Variants in HECTD2 observed in about 807,000 individuals in gnomAD.
HECTD2 encodes the protein HECT domain E3 ubiquitin protein ligase 2.
A neutral mutation model predicts 103.2 loss-of-function variants in HECTD2; 35 were observed. The ratio of observed to expected loss-of-function variants is 0.34; its 90% CI spans 0.26 to 0.45. The LOEUF is 0.45. HECTD2 is among the 20% of genes least tolerant of loss of function. The pLI is 1.00. For missense variants in HECTD2, 596 were observed against 937.4 expected (o/e 0.64, Z 4.76); for synonymous variants, 281 against 329.9 (o/e 0.85, Z 1.61).
At chr10:91,425,547 G>A in intron 2 of HECTD2, 137 bp downstream of exon 2, 1 of 537,760 alleles carries the variant, frequency 1.9e-6, no homozygotes, top group Non-Finnish European at 2.9e-6. Flanking sequence ...TTTACCAGAA[G>A]CAGCAAAATC....
intron 2 of HECTD2, among the ~76,000 whole-genome samples, chr10:91,459,002 C>T (rs1478173039): frequency 6.6e-6 from 1 of 151,866 alleles, no homozygotes; most frequent in African/African-American, 2.4e-5. Flanking sequence ...ATTATCTAAA[C>T]TATATAAGGA....
intron 6 of HECTD2, among the ~76,000 whole-genome samples, chr10:91,480,253 A>G (rs1255911369): frequency 6.6e-6 from 1 of 152,180 alleles, no homozygotes; most frequent in Non-Finnish European, 1.5e-5. Context: ...TTATGCAGGC[A>G]TAAATGACCT....
intron 4 of HECTD2, among the ~76,000 whole-genome samples, chr10:91,461,856 T>C (rs1169425091): frequency 6.6e-6 from 1 of 152,128 alleles, no homozygotes; most frequent in Non-Finnish European, 1.5e-5. Context: ...AGCCCTTAAA[T>C]GTTGTTTTTA....
chr10:91,488,504 ACAT>A lies in HECTD2; in HGVS notation c.1191+728_1191+730del, dbSNP rs1255772525. ...TTGTTTAAGTGCTTATGTATTTCAAACATCTGCTTGTGTTACATGATTGCTCAC... is the reference window on the plus strand; with the variant it reads ...TTGTTTAAGTGCTTATGTATTTCAAACTGCTTGTGTTACATGATTGCTCAC... On this transcript the variant is annotated intron_variant, in intron 11 of 20. Coordinates refer to ENST00000298068, the MANE Select transcript of HECTD2 (RefSeq NM_182765.6). 3.9e-5 allele frequency: 6 copies of A among 152,212 alleles called. No individual in the cohort carries two copies. The East Asian group carries it at 7.7e-4, about 20-fold the overall frequency. The allele number at this position is 152,212 out of a possible 1,614,324, so 9.4% of individuals were successfully genotyped here. A position where few individuals can be genotyped will look rare whatever the true frequency, so the allele number is the denominator to read the frequency against.
At chr10:91,456,955 G>GA (rs1564716389) in intron 2 of HECTD2, among the ~76,000 whole-genome samples, 1 of 151,964 alleles carries the variant, frequency 6.6e-6, no homozygotes, top group African/African-American at 2.4e-5. Flanking sequence ...AAGACTGACA[G>GA]AAAAAGGTAG....
intron 2 of HECTD2, among the ~76,000 whole-genome samples, chr10:91,444,242 A>T (rs1844495039): frequency 6.6e-6 from 1 of 152,218 alleles, no homozygotes; most frequent in South Asian, 2.1e-4. Context: ...CACACAGAGC[A>T]TATATACACA....
At chr10:91,428,620 T>C (rs978729647) in intron 2 of HECTD2, among the ~76,000 whole-genome samples, 13 of 152,272 alleles carry the variant, frequency 8.5e-5, no homozygotes, top group African/African-American at 3.1e-4. Context: ...TTCCTAAGTA[T>C]TTTATTCTCT....
chr10:91,505,428 A>T (rs1438085996), intron 20 of HECTD2, among the ~76,000 whole-genome samples: 1 of 152,118 alleles, frequency 6.6e-6, no homozygotes, highest in Non-Finnish European at 1.5e-5. Flanking sequence ...ATGGAGGAAG[A>T]TCTACCAAGC....
chr10:91,424,002 A>G (rs1455508276), intron 1 of HECTD2, among the ~76,000 whole-genome samples: 2 of 152,152 alleles, frequency 1.3e-5, no homozygotes, highest in African/African-American at 4.8e-5. Context: ...ATTAGCCCCA[A>G]GTTTCAGTGT....
chr10:91,410,542 C>A lies in HECTD2; in HGVS notation c.104C>A (p.Pro35Gln), dbSNP rs762285811. The change falls in exon 1 of 21, where the codon CCG becomes CAG. Residue 35 changes from proline (P) to glutamine (Q), a missense_variant. Coordinates refer to ENST00000298068, the MANE Select transcript of HECTD2 (RefSeq NM_182765.6). The stretch of plus-strand genomic sequence containing the variant: ...AAGGAGTCAGAGCGCGAGAAGCTGC[C>A]GCCCATCGTATCGGCGGGCGCCGGC... ...KGKESEREKL[P>Q]PIVSAGAGAT... 1 of 1,463,552 alleles carries A rather than the reference C, an allele frequency of 6.8e-7. No homozygotes were observed. Among genetic ancestry groups the A allele is most frequent in the East Asian group, 2.9e-5 (1 of 34,348 alleles). 90.7% of individuals were successfully genotyped at this position (1,463,552 alleles called of 1,614,324 possible).
At chr10:91,490,808 A>G (rs573737157) in intron 11 of HECTD2, among the ~76,000 whole-genome samples, 8 of 145,884 alleles carry the variant, frequency 5.5e-5, no homozygotes, top group South Asian at 2.2e-4. Flanking sequence ...GGAGAATGGC[A>G]TGAACCCAAG....
Position 91,481,093 on chromosome 10 carries a change from G to A in HECTD2, c.666-1G>A. On this transcript the variant is annotated splice_acceptor_variant, in intron 6 of 20. Transcript: ENST00000298068. LOFTEE classifies it high-confidence loss of function. ...ATAAATTATTCTTGTTTCTTTTTCA[G>A]TCCACGAACAAAAGATGATCTTAGA... The A allele has an allele frequency of 6.8e-7, 1 of 1,481,060 alleles. No homozygotes were observed. The highest frequency in any genetic ancestry group is 9.3e-7 in the Non-Finnish European group (1 of 1,077,482). The allele number at this position is 1,481,060 out of a possible 1,614,324, so 91.7% of individuals were successfully genotyped here. A position where few individuals can be genotyped will look rare whatever the true frequency, so the allele number is the denominator to read the frequency against.
At chr10:91,461,977 C>A in intron 4 of HECTD2, 118 bp from the exon 5 acceptor site, 1 of 752,656 alleles carries the variant, frequency 1.3e-6, no homozygotes, top group Middle Eastern at 2.9e-4. Flanking sequence ...CCTAACAGTT[C>A]TTTTTTATTA....
chr10:91,467,011 C>A (rs1018344537), intron 5 of HECTD2, among the ~76,000 whole-genome samples: 2 of 151,520 alleles, frequency 1.3e-5, no homozygotes, highest in African/African-American at 4.9e-5. Context: ...CTGGCACACT[C>A]CAAGCAGATC....
At chr10:91,429,272 C>T (rs555882246) in intron 2 of HECTD2, among the ~76,000 whole-genome samples, 2,035 of 152,174 alleles carry the variant, frequency 0.013, 48 homozygotes, top group African/African-American at 0.045. Context: ...CTGCTGGATT[C>T]GGTGTGCCAG....
At chr10:91,428,191 A>C (rs1199479235) in intron 2 of HECTD2, among the ~76,000 whole-genome samples, 1 of 151,448 alleles carries the variant, frequency 6.6e-6, no homozygotes. Context: ...AGTTGTAGAT[A>C]TGTGGCGTTA....
At chr10:91,472,701 T>G (rs1228158682) in intron 5 of HECTD2, among the ~76,000 whole-genome samples, 1 of 152,182 alleles carries the variant, frequency 6.6e-6, no homozygotes, top group Non-Finnish European at 1.5e-5. Context: ...TGAAGAAATG[T>G]TCAGCATTAC....
intron 5 of HECTD2, among the ~76,000 whole-genome samples, chr10:91,475,345 G>C (rs1190229393): frequency 2.6e-5 from 4 of 152,338 alleles, no homozygotes; most frequent in African/African-American, 7.2e-5. Context: ...GCACTCAAAG[G>C]CAAGAAAGAC....
chr10:91,428,274 C>T (rs1327278655), intron 2 of HECTD2, among the ~76,000 whole-genome samples: 1 of 151,714 alleles, frequency 6.6e-6, no homozygotes, highest in Non-Finnish European at 1.5e-5. Context: ...GTTTTGGTTA[C>T]TGTAGCCTTG....
Sources: allele counts gnomAD v4.1 joint callset (sites outside exome capture counted in the v4.1 genomes callset), GRCh38; gene constraint gnomAD v4.1.1; transcripts MANE v1.5; gene names NCBI Gene and HGNC (gene_info 2026-07-23, HGNC 2026-07-21).